The following CA12 variants were observed in gnomAD, a reference collection of about 807,000 sequenced individuals.
The protein encoded by CA12 is carbonate dehydratase XII.
CA12 carries 36 observed loss-of-function variants against 46.8 expected under a neutral mutation model. The ratio of observed to expected loss-of-function variants is 0.77; its 90% CI spans 0.59 to 1.02. The LOEUF (loss-of-function observed/expected upper bound fraction) is 1.02. CA12 is among the 50% of genes least tolerant of loss of function. The pLI, the probability that CA12 is intolerant of heterozygous loss-of-function variation, is 0.00. For synonymous variants in CA12, 202 were observed against 187.0 expected (o/e 1.08, Z -0.65); for missense variants, 436 against 451.4 (o/e 0.97, Z 0.31).
At chr15:63,349,780 G>C (rs1200368509) in intron 2 of CA12, among the ~76,000 whole-genome samples, 1 of 152,156 alleles carries the variant, frequency 6.6e-6, no homozygotes, top group Non-Finnish European at 1.5e-5. Flanking sequence ...TGTCCTTGAA[G>C]ACAAGGACCA....
chr15:63,342,091 T>A lies in CA12; in HGVS notation c.436A>T (p.Ile146Phe), dbSNP rs780862016. 15 of 1,611,810 alleles carry A rather than the reference T, an allele frequency of 9.3e-6. No individual in the cohort carries two copies. Among genetic ancestry groups the A allele is most frequent in the East Asian group, 4.5e-5 (2 of 44,848 alleles). Residue 146 changes from isoleucine (I) to phenylalanine (F), a missense_variant, in exon 5 of 11, where the codon ATT becomes TTT. Physicochemically the swap from Ile to Phe is conservative, Grantham distance 21. Transcript: ENST00000178638. Reference sequence around the variant, plus strand: ...TAAAGGTCTGAGTTATAATGGACAATGTGCAGCTGCAGTGGGGGAGAAGCC... The same window carrying A: ...TAAAGGTCTGAGTTATAATGGACAAAGTGCAGCTGCAGTGGGGGAGAAGCC... ...SGQHFAAELH[I>F]VHYNSDLYPD...
rs1291131170 is a variant in CA12 at position 63,330,954 on chromosome 15, T to G, written c.875-2824A>C. ...GGGACAGATACTTTTCAGCCAAGACTTTGATACAGCAAAAACGAAGCAGCT... is the reference window on the plus strand; with the variant it reads ...GGGACAGATACTTTTCAGCCAAGACGTTGATACAGCAAAAACGAAGCAGCT... On this transcript the variant is annotated intron_variant, in intron 8 of 10. Transcript: ENST00000178638. The surrounding 1 kb of genome is among the most constrained non-coding windows in gnomAD (Gnocchi z 4.0). 6.6e-6 allele frequency among the ~76,000 whole-genome samples: 1 copy of G among 152,204 alleles called. No homozygotes were observed. Among genetic ancestry groups the G allele is most frequent in the African/African-American group, 2.4e-5 (1 of 41,450 alleles).
rs1479139078 is a variant in CA12, at chr15:63,325,331, G to T, written c.*954C>A. 2 of 152,082 alleles carry T rather than the reference G, an allele frequency of 1.3e-5. No homozygotes were observed. Among genetic ancestry groups the T allele is most frequent in the African/African-American group, 4.8e-5 (2 of 41,388 alleles). 9.4% of individuals were successfully genotyped at this position (152,082 alleles called of 1,614,324 possible). On this transcript the variant is annotated 3_prime_UTR_variant, in exon 11 of 11. Coordinates refer to ENST00000178638, the MANE Select transcript of CA12 (RefSeq NM_001218.5). The surrounding 1 kb of genome is among the most constrained non-coding windows in gnomAD (Gnocchi z 4.9). ...TCCTCCAGATTCAAAGGCAGATTGG[G>T]TCATCTCGGAACTCATGTCTCCTCC...
In CA12 at chr15:63,328,251, T is replaced by A; in HGVS notation, c.875-121A>T. ...TTAGGCTGACAGACCTCTAGGGATGTCCACCCTTGGCTCAGGGATTGCCTG... is the reference window on the plus strand; with the variant it reads ...TTAGGCTGACAGACCTCTAGGGATGACCACCCTTGGCTCAGGGATTGCCTG... On this transcript the variant is annotated intron_variant, in intron 8 of 10. Transcript: ENST00000178638. The surrounding 1 kb of genome is among the most constrained non-coding windows in gnomAD (Gnocchi z 5.9). The A allele has an allele frequency of 1.1e-6, 1 of 880,388 alleles. No homozygotes were observed. Among genetic ancestry groups the A allele is most frequent in the Non-Finnish European group, 1.9e-6 (1 of 531,472 alleles). The allele number at this position is 880,388 out of a possible 1,614,324, so 54.5% of individuals were successfully genotyped here.
intron 1 of CA12, among the ~76,000 whole-genome samples, chr15:63,377,344 C>A (rs886255232): frequency 1.3e-5 from 2 of 152,152 alleles, no homozygotes; most frequent in African/African-American, 4.8e-5. Context: ...TGGGGAAGCA[C>A]CTCACATCCC....
At position 63,372,942 on chromosome 15, in the gene CA12, G is replaced by T. The variant is rs74627091; in HGVS notation, c.106+2716C>A. Among the ~76,000 whole-genome samples the T allele has an allele frequency of 0.014, 2,139 of 152,332 alleles. 50 individuals are homozygous for T. The highest frequency in any genetic ancestry group is 0.049 in the African/African-American group (2,045 of 41,568). ...CTCAGCAAAGAGCTGCTCTAATTAT[G>T]CAGGGTAGGAGGGACAGAGGGCTGG... On this transcript the variant is annotated intron_variant, in intron 2 of 10. Coordinates refer to ENST00000178638, the MANE Select transcript of CA12 (RefSeq NM_001218.5). This position sits in a 1 kb window ranked among gnomAD's most constrained non-coding sequence, Gnocchi z 4.5.
At chr15:63,357,460 C>T (rs2039309405) in intron 2 of CA12, among the ~76,000 whole-genome samples, 1 of 152,138 alleles carries the variant, frequency 6.6e-6, no homozygotes, top group African/African-American at 2.4e-5. Flanking sequence ...CAGCCCCAGT[C>T]CCTGAGATCA....
intron 2 of CA12, among the ~76,000 whole-genome samples, chr15:63,357,523 A>G (rs1281086811): frequency 6.6e-6 from 1 of 152,192 alleles, no homozygotes; most frequent in Non-Finnish European, 1.5e-5. Flanking sequence ...AACTGCTCAC[A>G]TGATTCTCAT....
At chr15:63,347,031 T>A (rs1178839161) in intron 2 of CA12, among the ~76,000 whole-genome samples, 1 of 152,228 alleles carries the variant, frequency 6.6e-6, no homozygotes, top group Non-Finnish European at 1.5e-5. Context: ...ATTCAGCATC[T>A]GCTTAGCCAG....
chr15:63,353,927 T>A (rs1228236831), intron 2 of CA12, among the ~76,000 whole-genome samples: 1 of 152,216 alleles, frequency 6.6e-6, no homozygotes, highest in Non-Finnish European at 1.5e-5. Context: ...AAAATATCTA[T>A]GTCTTCTCAT....
In CA12 at chr15:63,351,250, T is replaced by C. The variant is rs535323404; in HGVS notation, c.107-4541A>G. Among the ~76,000 whole-genome samples the C allele has an allele frequency of 2.5e-3, 387 of 152,346 alleles. 1 individual carries two copies. The highest frequency in any genetic ancestry group is 6.8e-3 in the Middle Eastern group (2 of 294). Reference sequence around the variant, plus strand: ...TCTATCCTTTGCCCTTAGTGGGTCATGGACTCCCATGCTTCCATGGGTTAG... The same window carrying C: ...TCTATCCTTTGCCCTTAGTGGGTCACGGACTCCCATGCTTCCATGGGTTAG... On this transcript the variant is annotated intron_variant, in intron 2 of 10. Transcript: ENST00000178638.
Position 63,345,824 on chromosome 15 carries a change from CA to C in CA12, c.287-206del, listed in dbSNP as rs2152618057. 6.6e-6 allele frequency among the ~76,000 whole-genome samples: 1 copy of C among 152,306 alleles called. No homozygotes were observed. Among genetic ancestry groups the C allele is most frequent in the East Asian group, 1.9e-4 (1 of 5,186 alleles). The stretch of plus-strand genomic sequence containing the variant: ...TTCCCTGAGAATGTTCCCTTTTCCC[CA>C]AAGCAACTCCAGTGGCACCAGCACC... On this transcript the variant is annotated intron_variant, in intron 3 of 10. Coordinates refer to ENST00000178638, the MANE Select transcript of CA12 (RefSeq NM_001218.5). This position sits in a 1 kb window ranked among gnomAD's most constrained non-coding sequence, Gnocchi z 4.3.
chr15:63,340,339 G>T lies in CA12; in HGVS notation c.696C>A (p.Pro232=). The change falls in exon 7 of 11, where the codon CCC becomes CCA. Residue 232 remains proline, a synonymous_variant. Transcript: ENST00000178638. The surrounding 1 kb of genome is among the most constrained non-coding windows in gnomAD (Gnocchi z 4.4). ...RGSLTTPPCN[P]TVLWTVFRNP... ...TTCGGAAAACTGTCCAGAGCACAGT[G>T]GGGTTGCAAGGGGGTGTGGTCAGGG... is the stretch of plus-strand genomic sequence containing the variant. 1 of 1,614,210 alleles carries T rather than the reference G, an allele frequency of 6.2e-7. No homozygotes were observed. The highest frequency in any genetic ancestry group is 8.5e-7 in the Non-Finnish European group (1 of 1,180,044).
intron 2 of CA12, among the ~76,000 whole-genome samples, chr15:63,365,167 ATATT>A (rs2039421915): frequency 6.6e-6 from 1 of 152,216 alleles, no homozygotes; most frequent in South Asian, 2.1e-4. Flanking sequence ...ACAGTGTAAA[ATATT>A]TATTTATGTC....
chr15:63,364,552 A>G (rs893746273), intron 2 of CA12, among the ~76,000 whole-genome samples: 3 of 152,156 alleles, frequency 2.0e-5, no homozygotes, highest in Non-Finnish European at 2.9e-5. Context: ...AAATACGCAG[A>G]TGAACACAGA....
chr15:63,349,078 G>C (rs865877379), intron 2 of CA12, among the ~76,000 whole-genome samples: 18 of 152,290 alleles, frequency 1.2e-4, no homozygotes, highest in South Asian at 2.1e-4. Context: ...TGAGATTCCA[G>C]CATCAGCTGT....
At chr15:63,380,478 T>C (rs1240106799) in intron 1 of CA12, among the ~76,000 whole-genome samples, 2 of 152,240 alleles carry the variant, frequency 1.3e-5, no homozygotes, top group African/African-American at 4.8e-5. Context: ...CAGGGAAACT[T>C]TGGTCTCAGT....
intron 8 of CA12, among the ~76,000 whole-genome samples, chr15:63,334,608 T>G (rs2038976481): frequency 6.6e-6 from 1 of 152,052 alleles, no homozygotes; most frequent in South Asian, 2.1e-4. Context: ...GACTTTCACT[T>G]TTCCATAAAG....
Position 63,325,874 on chromosome 15 carries a change from T to A in CA12, c.*411A>T. 1 of 250,654 alleles carries A rather than the reference T, an allele frequency of 4.0e-6. No individual in the cohort carries two copies. The highest frequency in any genetic ancestry group is 8.0e-6 in the Non-Finnish European group (1 of 124,720). The allele number at this position is 250,654 out of a possible 1,614,324, so 15.5% of individuals were successfully genotyped here. On this transcript the variant is annotated 3_prime_UTR_variant, in exon 11 of 11. Coordinates refer to ENST00000178638, the MANE Select transcript of CA12 (RefSeq NM_001218.5). This position sits in a 1 kb window ranked among gnomAD's most constrained non-coding sequence, Gnocchi z 4.9. ...TCCCAAGCAAAACCTAAGCAGAGAG[T>A]GCACATTCTTGTCTGAAAGCTTGGA...
Sources: allele counts gnomAD v4.1 joint callset (sites outside exome capture counted in the v4.1 genomes callset), GRCh38; gene constraint gnomAD v4.1.1; non-coding constraint Gnocchi (gnomAD v3.1); transcripts MANE v1.5; gene names NCBI Gene and HGNC (gene_info 2026-07-23, HGNC 2026-07-21).